Variants in BICRA observed in about 807,000 individuals in gnomAD.
The protein encoded by BICRA is BRD4 interacting chromatin remodeling complex associated protein.
A neutral mutation model predicts 96.9 loss-of-function variants in BICRA; 31 were observed. That is an observed-to-expected ratio of 0.32 (90% CI 0.24 to 0.43). The LOEUF is 0.43. Among genes scored for constraint, BICRA ranks in the 20% least tolerant of loss-of-function variants. The pLI, the probability that BICRA is intolerant of heterozygous loss-of-function variation, is 1.00. For missense variants in BICRA, 2,283 were observed against 2,190.3 expected (o/e 1.04, Z -0.84); for synonymous variants, 1,350 against 1,071.8 (o/e 1.26, Z -5.07).
chr19:47,615,016 T>C (rs1176842028), intron 1 of BICRA, among the ~76,000 whole-genome samples: 1 of 152,184 alleles, frequency 6.6e-6, no homozygotes, highest in Non-Finnish European at 1.5e-5. Flanking sequence ...AGAATCTTGC[T>C]GTGTCACCCA....
intron 1 of BICRA, among the ~76,000 whole-genome samples, chr19:47,658,206 T>G: frequency 6.6e-6 from 1 of 152,176 alleles, no homozygotes; most frequent in East Asian, 1.9e-4. Context: ...CACTATGGTC[T>G]GTCCTCTGTT....
chr19:47,701,264 C>G lies in BICRA; in HGVS notation c.3596-64C>G. 8.4e-7 allele frequency: 1 copy of G among 1,185,820 alleles called. No individual in the cohort carries two copies. The highest frequency in any genetic ancestry group is 1.2e-6 in the Non-Finnish European group (1 of 815,898). The allele number at this position is 1,185,820 out of a possible 1,614,324, so 73.5% of individuals were successfully genotyped here. A position where few individuals can be genotyped will look rare whatever the true frequency, so the allele number is the denominator to read the frequency against. ...AGTAGGTGCTCACTGCACACAGCTCCTCCCAGCTCGGTCGGGGGGTCCTCA... is the reference window on the plus strand; with the variant it reads ...AGTAGGTGCTCACTGCACACAGCTCGTCCCAGCTCGGTCGGGGGGTCCTCA... On this transcript the variant is annotated intron_variant, in intron 14 of 14. Coordinates refer to ENST00000594866, the MANE Select transcript of BICRA (RefSeq NM_001394372.1). This position sits in a 1 kb window ranked among gnomAD's most constrained non-coding sequence, Gnocchi z 5.4.
chr19:47,681,881 A>G, intron 6 of BICRA, 95 bp from the exon 7 acceptor site: 4 of 872,498 alleles, frequency 4.6e-6, no homozygotes, highest in African/African-American at 1.7e-5. Context: ...ATTCTCTGGA[A>G]CCCTGGGAGC....
At chr19:47,614,310 G>A (rs1012865659) in intron 1 of BICRA, among the ~76,000 whole-genome samples, 3 of 151,964 alleles carry the variant, frequency 2.0e-5, no homozygotes, top group Non-Finnish European at 4.4e-5. Context: ...TTTATATATG[G>A]ATGTTATGTG....
At chr19:47,686,350 A>T (rs966778390) in intron 7 of BICRA, among the ~76,000 whole-genome samples, 2 of 152,112 alleles carry the variant, frequency 1.3e-5, no homozygotes, top group African/African-American at 4.8e-5. Flanking sequence ...TGTGTGATAC[A>T]CATCAATATT....
intron 1 of BICRA, among the ~76,000 whole-genome samples, chr19:47,617,723 A>G (rs1343010628): frequency 1.3e-5 from 2 of 151,466 alleles, no homozygotes; most frequent in African/African-American, 2.4e-5. Context: ...AAATAGCACA[A>G]CCACCCCTGT....
At position 47,702,129 on chromosome 19, in the gene BICRA, C is replaced by A. The variant is rs1374115229; in HGVS notation, c.4397C>A (p.Ala1466Glu). ...GGCACCGGGGACCCCGACTGGGAGG[C>A]GCCCGGGCTGCCCCCTGCCAAGCGG... ...AQGTGDPDWE[A>E]PGLPPAKRRK... Residue 1466 changes from alanine (A) to glutamate (E), a missense_variant, in exon 15 of 15, where the codon GCG (alanine) becomes GAG (glutamate). Coordinates refer to ENST00000594866, the MANE Select transcript of BICRA (RefSeq NM_001394372.1). 4 of 1,533,398 alleles carry A rather than the reference C, an allele frequency of 2.6e-6. No individual in the cohort carries two copies. The highest frequency in any genetic ancestry group is 4.0e-5 in the Admixed American group (2 of 50,434). 95.0% of individuals were successfully genotyped at this position (1,533,398 alleles called of 1,614,324 possible).
intron 1 of BICRA, among the ~76,000 whole-genome samples, chr19:47,630,990 C>G (rs1275757439): frequency 6.6e-6 from 1 of 152,118 alleles, no homozygotes; most frequent in Non-Finnish European, 1.5e-5. Flanking sequence ...AGTTGGGACT[C>G]GACATATTTC....
intron 1 of BICRA, among the ~76,000 whole-genome samples, chr19:47,645,558 G>T (rs1972447047): frequency 6.6e-6 from 1 of 152,160 alleles, no homozygotes; most frequent in South Asian, 2.1e-4. Context: ...AACATGAAAA[G>T]GTCATAGAGG....
Position 47,698,507 on chromosome 19 carries a change from C to G in BICRA, c.3249-127C>G. The G allele has an allele frequency of 3.1e-6, 2 of 654,258 alleles. No homozygotes were observed. Among genetic ancestry groups the G allele is most frequent in the South Asian group, 1.8e-5 (1 of 55,178 alleles). The allele number at this position is 654,258 out of a possible 1,614,324, so 40.5% of individuals were successfully genotyped here. A position where few individuals can be genotyped will look rare whatever the true frequency, so the allele number is the denominator to read the frequency against. ...TTCAGTACATGGGAACACCACTGCC[C>G]AAGTATTCCCCTTCCCGCTGTTGTG... On this transcript the variant is annotated intron_variant, in intron 11 of 14. Coordinates refer to ENST00000594866, the MANE Select transcript of BICRA (RefSeq NM_001394372.1). The surrounding 1 kb of genome is among the most constrained non-coding windows in gnomAD (Gnocchi z 4.8).
chr19:47,624,454 C>G (rs1321325165), intron 1 of BICRA, among the ~76,000 whole-genome samples: 1 of 152,170 alleles, frequency 6.6e-6, no homozygotes, highest in Non-Finnish European at 1.5e-5. Flanking sequence ...TACGATACTG[C>G]AATCTGTTAA....
At chr19:47,630,354 A>G (rs1374126435) in intron 1 of BICRA, among the ~76,000 whole-genome samples, 3 of 149,622 alleles carry the variant, frequency 2.0e-5, no homozygotes, top group Non-Finnish European at 4.5e-5. Context: ...TTTTTTTTTT[A>G]GTAGAGACGG....
chr19:47,661,975 C>G (rs1296913095), intron 1 of BICRA: 1 of 152,240 alleles, frequency 6.6e-6, no homozygotes, highest in Admixed American at 6.5e-5. Context: ...AAGAATTAAC[C>G]AGGTGTGGTG....
intron 1 of BICRA, among the ~76,000 whole-genome samples, chr19:47,620,667 CAA>C (rs10675281): frequency 7.4e-5 from 5 of 67,718 alleles, no homozygotes; most frequent in African/African-American, 2.0e-4. Context: ...GAGACTGTCT[CAA>C]AAAAAAAAAA....
intron 7 of BICRA, among the ~76,000 whole-genome samples, chr19:47,690,798 G>C (rs1973230098): frequency 6.7e-6 from 1 of 150,276 alleles, no homozygotes; most frequent in South Asian, 2.1e-4. Context: ...TGGATTGTGT[G>C]TGTGTGTGTG....
chr19:47,675,709 G>C lies in BICRA; in HGVS notation c.85-142G>C. On this transcript the variant is annotated intron_variant, in intron 4 of 14. Transcript: ENST00000594866. The surrounding 1 kb of genome is among the most constrained non-coding windows in gnomAD (Gnocchi z 4.7). ...CCTGCCTTTGGGGCCTCTTTTCGGA[G>C]GCGAGAGTTTCCCATACCCCCAGCC... is the stretch of plus-strand genomic sequence containing the variant. 1 of 693,930 alleles carries C rather than the reference G, an allele frequency of 1.4e-6. No homozygotes were observed. Among genetic ancestry groups the C allele is most frequent in the African/African-American group, 1.8e-5 (1 of 56,216 alleles). 43.0% of individuals were successfully genotyped at this position (693,930 alleles called of 1,614,324 possible).
chr19:47,701,088 C>T lies in BICRA; in HGVS notation c.3596-240C>T. ...CCTTGTTTTGTATTCTCTTAATTTA[C>T]TTATGTCTGAATGAGCCCCACGTGG... On this transcript the variant is annotated intron_variant, in intron 14 of 14. Transcript: ENST00000594866. The surrounding 1 kb of genome is among the most constrained non-coding windows in gnomAD (Gnocchi z 5.4). 1 of 554,102 alleles carries T rather than the reference C, an allele frequency of 1.8e-6. No individual in the cohort carries two copies. Among genetic ancestry groups the T allele is most frequent in the South Asian group, 2.3e-5 (1 of 42,576 alleles). The allele number at this position is 554,102 out of a possible 1,614,324, so 34.3% of individuals were successfully genotyped here.
intron 1 of BICRA, among the ~76,000 whole-genome samples, chr19:47,654,293 G>A (rs928374767): frequency 1.3e-5 from 2 of 152,048 alleles, no homozygotes; most frequent in Non-Finnish European, 2.9e-5. Context: ...ATGATGTTGA[G>A]TATCTTGTCA....
intron 1 of BICRA, among the ~76,000 whole-genome samples, chr19:47,629,070 C>T (rs1024666191): frequency 1.3e-5 from 2 of 152,256 alleles, no homozygotes; most frequent in Non-Finnish European, 1.5e-5. Flanking sequence ...GGCACAATCT[C>T]GGCTCACTGC....
Sources: allele counts gnomAD v4.1 joint callset (sites outside exome capture counted in the v4.1 genomes callset), GRCh38; gene constraint gnomAD v4.1.1; non-coding constraint Gnocchi (gnomAD v3.1); transcripts MANE v1.5; gene names NCBI Gene and HGNC (gene_info 2026-07-23, HGNC 2026-07-21).